The following PCDHGA9 variants were observed in gnomAD, a reference collection of about 807,000 sequenced individuals.
The protein encoded by PCDHGA9 is protocadherin gamma subfamily A, 9.
In PCDHGA9, 37 loss-of-function variants were observed where a neutral mutation model predicts 62.5. The ratio of observed to expected loss-of-function variants is 0.59; its 90% CI spans 0.46 to 0.78. The LOEUF is 0.78. Among genes scored for constraint, PCDHGA9 ranks in the 30% least tolerant of loss-of-function variants. The pLI is 0.00. For synonymous variants in PCDHGA9, 459 were observed against 484.6 expected, an observed-to-expected ratio of 0.95 and a Z score of 0.69; for missense variants, 1,138 against 1,166.2, an observed-to-expected ratio of 0.98 and a Z score of 0.35.
At position 141,505,514 on chromosome 5, in the gene PCDHGA9, G is replaced by A. The variant is rs758026551; in HGVS notation, c.2572+33G>A. The A allele has an allele frequency of 1.2e-5, 20 of 1,613,682 alleles. No homozygotes were observed. The South Asian group carries it at 1.8e-4, about 14-fold the overall frequency. ...GTGTCAGTGTGTGTATGGAAGAGTGGGAGACCTGGGGTTCTGGGGTGCATC... is the reference window on the plus strand; with the variant it reads ...GTGTCAGTGTGTGTATGGAAGAGTGAGAGACCTGGGGTTCTGGGGTGCATC... On this transcript the variant is annotated intron_variant, in intron 3 of 3. Transcript: ENST00000573521.
rs766940096 is a variant in PCDHGA9 at position 141,404,337 on chromosome 5, C to A, written c.1385C>A (p.Pro462Gln). The change falls in exon 1 of 4, where the codon CCG becomes CAG. Residue 462 changes from proline to glutamine, a missense_variant. Physicochemically the swap from Pro to Gln is moderately conservative, Grantham distance 76 (BLOSUM62 -1). Transcript: ENST00000573521. ...FSQASYSVYL[P>Q]ENNARGTSIF... ...CAAGCCTCCTACTCAGTCTACCTCC[C>A]GGAAAACAACGCCAGAGGTACTTCC... 6.2e-6 allele frequency: 10 copies of A among 1,613,902 alleles called. No homozygotes were observed. The highest frequency in any genetic ancestry group is 3.3e-4 in the Middle Eastern group (2 of 6,062).
intron 1 of PCDHGA9, among the ~76,000 whole-genome samples, chr5:141,433,847 A>C (rs979302028): frequency 6.6e-6 from 1 of 151,976 alleles, no homozygotes; most frequent in South Asian, 2.1e-4. Context: ...CAAAAAAAAA[A>C]AAAAAAAACT....
chr5:141,461,639 C>T (rs1041604977), intron 1 of PCDHGA9, among the ~76,000 whole-genome samples: 12 of 152,088 alleles, frequency 7.9e-5, no homozygotes, highest in Non-Finnish European at 1.6e-4. Flanking sequence ...GCAATTTCTT[C>T]TTTGACCCAT....
At chr5:141,446,697 C>T (rs1254994356) in intron 1 of PCDHGA9, among the ~76,000 whole-genome samples, 9 of 152,134 alleles carry the variant, frequency 5.9e-5, no homozygotes, top group Admixed American at 5.9e-4. Context: ...AGGCTGGTCT[C>T]GAACTCTGAT....
rs2099615088 is a variant in PCDHGA9, at chr5:141,485,526, G to A, written c.2425-9281G>A. On this transcript the variant is annotated intron_variant, in intron 1 of 3. Coordinates refer to ENST00000573521, the MANE Select transcript of PCDHGA9 (RefSeq NM_018921.3). The surrounding 1 kb of genome is among the most constrained non-coding windows in gnomAD (Gnocchi z 5.7). Reference sequence around the variant, plus strand: ...ACCGAAGGTCCTTTGGAAATGTACCGAGCAGAGGTAGAGATCGTAGATGTG... The same window carrying A: ...ACCGAAGGTCCTTTGGAAATGTACCAAGCAGAGGTAGAGATCGTAGATGTG... 6.2e-7 allele frequency: 1 copy of A among 1,614,154 alleles called. No individual in the cohort carries two copies. The highest frequency in any genetic ancestry group is 2.2e-5 in the East Asian group (1 of 44,880).
Position 141,491,733 on chromosome 5 carries a change from TG to T in PCDHGA9, c.2425-3069del. 6.2e-7 allele frequency: 1 copy of T among 1,602,698 alleles called. No individual in the cohort carries two copies. Among genetic ancestry groups the T allele is most frequent in the Non-Finnish European group, 8.5e-7 (1 of 1,175,258 alleles). On this transcript the variant is annotated intron_variant, in intron 1 of 3. Coordinates refer to ENST00000573521, the MANE Select transcript of PCDHGA9 (RefSeq NM_018921.3). This position sits in a 1 kb window ranked among gnomAD's most constrained non-coding sequence, Gnocchi z 6.9. ...GCTCGGCGCCGCCCCGGGCGACCCC[TG>T]GGGGCGGCACTGGAGAAGCCGCCCG...
At chr5:141,492,834 G>A (rs544218873) in intron 1 of PCDHGA9, among the ~76,000 whole-genome samples, 7 of 152,214 alleles carry the variant, frequency 4.6e-5, no homozygotes, top group African/African-American at 1.7e-4. Context: ...CCTTCCTCCC[G>A]CAGGAAGTGA....
chr5:141,473,616 G>A (rs1049605139), intron 1 of PCDHGA9, among the ~76,000 whole-genome samples: 5 of 152,118 alleles, frequency 3.3e-5, no homozygotes, highest in African/African-American at 1.2e-4. Flanking sequence ...GCAAAGGGAG[G>A]GAGGAAAAAG....
At position 141,473,311 on chromosome 5, in the gene PCDHGA9, A is replaced by G. The variant is rs139053997; in HGVS notation, c.2425-21496A>G. On this transcript the variant is annotated intron_variant, in intron 1 of 3. Coordinates refer to ENST00000573521, the MANE Select transcript of PCDHGA9 (RefSeq NM_018921.3). ...TCAGTAGCATAAAGATTGCTATATTAATAAGCATTAAGTGCCTGCTGTGCT... is the reference window on the plus strand; with the variant it reads ...TCAGTAGCATAAAGATTGCTATATTGATAAGCATTAAGTGCCTGCTGTGCT... Among the ~76,000 whole-genome samples, 1,321 of 152,342 alleles carry G rather than the reference A, an allele frequency of 8.7e-3. 28 individuals carry two copies. Among genetic ancestry groups the G allele is most frequent in the African/African-American group, 0.03 (1,236 of 41,582 alleles).
At chr5:141,418,746 A>G in intron 1 of PCDHGA9, 1 of 1,613,974 alleles carries the variant, frequency 6.2e-7, no homozygotes, top group Non-Finnish European at 8.5e-7. Context: ...TCTCTGGATT[A>G]CACTACAGGA....
At chr5:141,457,555 C>A (rs1425159883) in intron 1 of PCDHGA9, among the ~76,000 whole-genome samples, 2 of 152,168 alleles carry the variant, frequency 1.3e-5, no homozygotes. Context: ...GTATGATAAG[C>A]TTTGGAGCAA....
At position 141,477,938 on chromosome 5, in the gene PCDHGA9, T is replaced by C. The variant is rs1441443411; in HGVS notation, c.2425-16869T>C. The stretch of plus-strand genomic sequence containing the variant: ...TGCAGGGCACAATGCCTGGCTCTCC[T>C]ACAGTCTCTTGGGATCCCCTAACCA... On this transcript the variant is annotated intron_variant, in intron 1 of 3. Transcript: ENST00000573521. The surrounding 1 kb of genome is among the most constrained non-coding windows in gnomAD (Gnocchi z 4.9). The C allele has an allele frequency of 3.1e-6, 5 of 1,614,036 alleles. No homozygotes were observed. The highest frequency in any genetic ancestry group is 4.2e-6 in the Non-Finnish European group (5 of 1,180,030).
chr5:141,470,369 T>C (rs751264270), intron 1 of PCDHGA9, among the ~76,000 whole-genome samples: 2 of 152,226 alleles, frequency 1.3e-5, no homozygotes, highest in Non-Finnish European at 1.5e-5. Context: ...TTAGGTTGAA[T>C]GGAAAGACTA....
intron 1 of PCDHGA9, chr5:141,415,853 GTAGT>G: frequency 2.5e-6 from 3 of 1,186,350 alleles, no homozygotes; most frequent in Non-Finnish European, 3.3e-6. Context: ...GCAGAACCTT[GTAGT>G]TTATAGTGTT....
chr5:141,406,257 C>T (rs1180988990), intron 1 of PCDHGA9, among the ~76,000 whole-genome samples: 1 of 151,898 alleles, frequency 6.6e-6, no homozygotes, highest in African/African-American at 2.4e-5. Context: ...TGGTCTCAAA[C>T]GATCTTCCTG....
chr5:141,491,742 C>T lies in PCDHGA9; in HGVS notation c.2425-3065C>T. On this transcript the variant is annotated intron_variant, in intron 1 of 3. Transcript: ENST00000573521. This position sits in a 1 kb window ranked among gnomAD's most constrained non-coding sequence, Gnocchi z 6.9. ...CGCCCCGGGCGACCCCTGGGGGCGG[C>T]ACTGGAGAAGCCGCCCGTCCTCATA... 6.3e-7 allele frequency: 1 copy of T among 1,596,114 alleles called. No individual in the cohort carries two copies. Among genetic ancestry groups the T allele is most frequent in the African/African-American group, 1.3e-5 (1 of 74,260 alleles).
At chr5:141,504,709 C>G (rs11743102) in intron 2 of PCDHGA9, among the ~76,000 whole-genome samples, 29,287 of 151,306 alleles carry the variant, frequency 0.19, 2,876 homozygotes, top group Middle Eastern at 0.24. Context: ...CTTCTATGGC[C>G]GTGGATTTTA....
intron 1 of PCDHGA9, among the ~76,000 whole-genome samples, chr5:141,464,885 G>T (rs1592925315): frequency 6.6e-6 from 1 of 152,020 alleles, no homozygotes; most frequent in East Asian, 1.9e-4. Flanking sequence ...ACTACAGATG[G>T]ATGCCACCAT....
Position 141,427,801 on chromosome 5 carries a change from G to T in PCDHGA9, c.2424+22425G>T, listed in dbSNP as rs755067099. On this transcript the variant is annotated intron_variant, in intron 1 of 3. Coordinates refer to ENST00000573521, the MANE Select transcript of PCDHGA9 (RefSeq NM_018921.3). ...GCACTGTCGTCCTACGTGTCCGTGA[G>T]CGCACAGAGCGGGGTGGTGGTCGCG... 6 of 1,510,138 alleles carry T rather than the reference G, an allele frequency of 4.0e-6. No homozygotes were observed. In the African/African-American group the frequency reaches 8.2e-5, roughly 21 times the overall value. 93.5% of individuals were successfully genotyped at this position (1,510,138 alleles called of 1,614,324 possible). A position where few individuals can be genotyped will look rare whatever the true frequency, so the allele number is the denominator to read the frequency against.
Sources: gnomAD v4.1 joint callset for allele counts (sites outside exome capture counted in the v4.1 genomes callset) on GRCh38, gnomAD v4.1.1 for gene constraint, Gnocchi (gnomAD v3.1) non-coding constraint, MANE v1.5 for transcripts, NCBI Gene and HGNC (gene_info 2026-07-23, HGNC 2026-07-21) for gene names.